The following LRRC4C variants were observed in gnomAD, a reference collection of about 807,000 sequenced individuals.
LRRC4C encodes the protein leucine-rich repeat-containing protein 4C.
In LRRC4C, 5 loss-of-function variants were observed where a neutral mutation model predicts 33.6. The ratio of observed to expected loss-of-function variants is 0.15; its 90% CI spans 0.08 to 0.31. The LOEUF (loss-of-function observed/expected upper bound fraction) is 0.31, where lower values mean the gene tolerates loss of function less well. Among genes scored for constraint, LRRC4C ranks in the 10% least tolerant of loss-of-function variants. LRRC4C has a pLI of 1.00. For missense variants in LRRC4C, 560 were observed against 796.7 expected (o/e 0.70, Z 3.58); for synonymous variants, 329 against 302.0 (o/e 1.09, Z -0.93).
At chr11:41,114,253 TGTTA>T (rs1465540930) in intron 1 of LRRC4C, among the ~76,000 whole-genome samples, 14 of 152,064 alleles carry the variant, frequency 9.2e-5, no homozygotes, top group African/African-American at 3.4e-4. Flanking sequence ...TTTAAAAATC[TGTTA>T]TTTATTATTT....
intron 1 of LRRC4C, among the ~76,000 whole-genome samples, chr11:41,393,851 A>C (rs1047305909): frequency 2.6e-5 from 4 of 152,016 alleles, no homozygotes; most frequent in Admixed American, 1.3e-4. Flanking sequence ...TGCTGCTAGC[A>C]TATGCAAGTG....
At chr11:41,376,287 T>G (rs1279862287) in intron 1 of LRRC4C, among the ~76,000 whole-genome samples, 1 of 152,200 alleles carries the variant, frequency 6.6e-6, no homozygotes, top group East Asian at 1.9e-4. Context: ...GCCTTGCTTC[T>G]CTGCACAAAT....
chr11:40,755,641 A>G (rs990254667), intron 2 of LRRC4C, among the ~76,000 whole-genome samples: 1 of 152,192 alleles, frequency 6.6e-6, no homozygotes. Flanking sequence ...TCTAGAGGAT[A>G]GAGGCCAGGA....
intron 5 of LRRC4C, among the ~76,000 whole-genome samples, chr11:40,152,890 G>T (rs1858344573): frequency 6.6e-6 from 1 of 151,976 alleles, no homozygotes. Context: ...ATATTATATT[G>T]GGAGTTGCAG....
intron 1 of LRRC4C, among the ~76,000 whole-genome samples, chr11:41,273,525 G>A (rs979253493): frequency 4.6e-5 from 7 of 152,108 alleles, no homozygotes; most frequent in Admixed American, 1.3e-4. Flanking sequence ...TTCCACTTAC[G>A]TGACAGATTT....
At chr11:40,324,661 T>A (rs1299923757) in intron 3 of LRRC4C, among the ~76,000 whole-genome samples, 1 of 152,182 alleles carries the variant, frequency 6.6e-6, no homozygotes. Context: ...CTTGAAAGCA[T>A]GAGAAAGAAC....
chr11:40,114,853 T>C lies in LRRC4C; in HGVS notation c.1440A>G (p.Pro480=). 1.2e-6 allele frequency: 2 copies of C among 1,614,182 alleles called. No individual in the cohort carries two copies. The highest frequency in any genetic ancestry group is 1.7e-6 in the Non-Finnish European group (2 of 1,180,022). The change falls in exon 7 of 7, where the codon CCA becomes CCG. Residue 480 remains proline (P), a synonymous_variant. Coordinates refer to ENST00000528697, the MANE Select transcript of LRRC4C (RefSeq NM_001258419.2). ...RTTDNNVGPT[P]VVDWETTNVT... ...CATTGGTGGTCTCCCAGTCGACCAC[T>C]GGAGTGGGACCCACATTGTTATCTG...
intron 1 of LRRC4C, among the ~76,000 whole-genome samples, chr11:41,000,556 T>G (rs1340614796): frequency 1.3e-5 from 2 of 152,138 alleles, no homozygotes; most frequent in African/African-American, 4.8e-5. Flanking sequence ...ATAATAAAAT[T>G]ATTTTCCTAG....
intron 3 of LRRC4C, among the ~76,000 whole-genome samples, chr11:40,341,386 G>A (rs992073033): frequency 6.6e-6 from 1 of 151,994 alleles, no homozygotes; most frequent in African/African-American, 2.4e-5. Flanking sequence ...ATAAACATAC[G>A]TGTGCATGTG....
intron 1 of LRRC4C, among the ~76,000 whole-genome samples, chr11:41,443,089 A>ATTTTTTTTTTTTTTTTTTTTTTCTTTAT: frequency 2.8e-5 from 3 of 105,990 alleles, no homozygotes; most frequent in Non-Finnish European, 3.5e-5. Context: ...TGTTTGCTTC[A>ATTTTTTTTTTTTTTTTTTTTTTCTTTAT]TTTTTTTTTT....
At chr11:41,165,344 T>C (rs146371260) in intron 1 of LRRC4C, among the ~76,000 whole-genome samples, 1 of 152,246 alleles carries the variant, frequency 6.6e-6, no homozygotes, top group East Asian at 1.9e-4. Flanking sequence ...TGCTTTATGA[T>C]GGTCATGATT....
intron 2 of LRRC4C, among the ~76,000 whole-genome samples, chr11:40,846,111 T>C (rs909870782): frequency 1.3e-5 from 2 of 152,106 alleles, no homozygotes; most frequent in African/African-American, 2.4e-5. Flanking sequence ...GCAAAAATTT[T>C]CTCCCATTCT....
intron 2 of LRRC4C, among the ~76,000 whole-genome samples, chr11:40,825,523 T>C (rs1288174185): frequency 6.6e-6 from 1 of 151,936 alleles, no homozygotes; most frequent in African/African-American, 2.4e-5. Flanking sequence ...GACTCAATCA[T>C]ACACTGGCTA....
rs1362228171 is a variant in LRRC4C at position 41,442,522 on chromosome 11, T to G, written c.-496+16909A>C. Among the ~76,000 whole-genome samples, 2 of 133,052 alleles carry G rather than the reference T, an allele frequency of 1.5e-5. 1 individual carries two copies. Among genetic ancestry groups the G allele is most frequent in the South Asian group, 5.0e-4 (2 of 4,038 alleles). 87.3% of individuals were successfully genotyped at this position (133,052 alleles called of 152,430 possible). On this transcript the variant is annotated intron_variant, in intron 1 of 6. Transcript: ENST00000528697. ...TCTTGCTCTGTCGCCCAGGCTGGAG[T>G]GCAGTGGCACAATCTCGGCTCACTG...
At chr11:40,132,385 C>A (rs1856704558) in intron 6 of LRRC4C, among the ~76,000 whole-genome samples, 1 of 152,112 alleles carries the variant, frequency 6.6e-6, no homozygotes. Context: ...ACTTAAACAC[C>A]AGTACACTGG....
intron 1 of LRRC4C, among the ~76,000 whole-genome samples, chr11:41,053,678 A>T (rs960493226): frequency 6.6e-5 from 10 of 152,236 alleles, no homozygotes; most frequent in African/African-American, 2.4e-4. Context: ...CCCTGAAGAC[A>T]TTCTAGACTG....
At chr11:40,733,237 G>C (rs1420941913) in intron 2 of LRRC4C, among the ~76,000 whole-genome samples, 1 of 151,250 alleles carries the variant, frequency 6.6e-6, no homozygotes, top group African/African-American at 2.4e-5. Context: ...CACCACACCC[G>C]GCTAATTTTT....
At chr11:40,783,971 C>T (rs1950313998) in intron 2 of LRRC4C, among the ~76,000 whole-genome samples, 1 of 151,992 alleles carries the variant, frequency 6.6e-6, no homozygotes, top group African/African-American at 2.4e-5. Flanking sequence ...TGGACAAATA[C>T]CGCTATTTAA....
intron 4 of LRRC4C, among the ~76,000 whole-genome samples, chr11:40,310,420 C>T (rs1326071766): frequency 1.3e-5 from 2 of 152,118 alleles, no homozygotes; most frequent in African/African-American, 4.8e-5. Context: ...CTATCTTATT[C>T]ATCATTGTAC....
Sources: gnomAD v4.1 joint callset for allele counts (sites outside exome capture counted in the v4.1 genomes callset) on GRCh38, gnomAD v4.1.1 for gene constraint, MANE v1.5 for transcripts, NCBI Gene and HGNC (gene_info 2026-07-23, HGNC 2026-07-21) for gene names.